The following CTNNA3 variants were observed in gnomAD, a reference collection of about 807,000 sequenced individuals.
The protein encoded by CTNNA3 is catenin alpha-3.
Under a neutral mutation model 95.7 loss-of-function variants are expected in CTNNA3, and 76 were observed. That is an observed-to-expected ratio of 0.79 (90% CI 0.66 to 0.96). CTNNA3 has a LOEUF of 0.96. Ranked by LOEUF, CTNNA3 falls within the 40% of genes least tolerant of loss-of-function variation. The pLI, the probability that CTNNA3 is intolerant of heterozygous loss-of-function variation, is 0.00. For synonymous variants in CTNNA3, 431 were observed against 374.4 expected, an observed-to-expected ratio of 1.15 and a Z score of -1.74; for missense variants, 1,191 against 1,089.8, an observed-to-expected ratio of 1.09 and a Z score of -1.31.
At chr10:66,633,778 A>C (rs751747310) in intron 9 of CTNNA3, among the ~76,000 whole-genome samples, 3 of 152,152 alleles carry the variant, frequency 2.0e-5, no homozygotes, top group Admixed American at 6.5e-5. Context: ...ATGGGAGAGA[A>C]GGTAGGATTA....
In CTNNA3 at chr10:66,001,964, G is replaced by A. The variant is rs7915712; in HGVS notation, c.2160-13167C>T. 9.5e-3 allele frequency among the ~76,000 whole-genome samples: 1,437 copies of A among 152,028 alleles called. 28 individuals are homozygous for A. The highest frequency in any genetic ancestry group is 0.031 in the African/African-American group (1,302 of 41,480). On this transcript the variant is annotated intron_variant, in intron 15 of 17. Coordinates refer to ENST00000433211, the MANE Select transcript of CTNNA3 (RefSeq NM_013266.4). ...ACTCTCTCTGTGTGTAGTTGTTATC[G>A]TTTAAAGTTGTTATTTAACTCCTAA...
At chr10:67,250,812 G>T (rs1866079803) in intron 5 of CTNNA3, among the ~76,000 whole-genome samples, 1 of 152,128 alleles carries the variant, frequency 6.6e-6, no homozygotes, top group Admixed American at 6.5e-5. Flanking sequence ...TGATAAAAAT[G>T]CCCATAATCA....
intron 13 of CTNNA3, among the ~76,000 whole-genome samples, chr10:66,149,933 TAA>T (rs750372119): frequency 2.3e-4 from 35 of 152,200 alleles, no homozygotes; most frequent in Non-Finnish European, 4.9e-4. Flanking sequence ...CACACTTCAA[TAA>T]AAGTTTTTCT....
intron 5 of CTNNA3, among the ~76,000 whole-genome samples, chr10:67,438,594 C>G (rs1022247482): frequency 1.3e-5 from 2 of 152,168 alleles, no homozygotes; most frequent in African/African-American, 4.8e-5. Context: ...ATCAGGTAAG[C>G]AATCACAGCA....
chr10:66,083,653 C>A (rs1445112373), intron 14 of CTNNA3, among the ~76,000 whole-genome samples: 2 of 152,302 alleles, frequency 1.3e-5, no homozygotes, highest in Admixed American at 6.5e-5. Context: ...CTGGCTTATT[C>A]TTCTACGCTA....
intron 17 of CTNNA3, among the ~76,000 whole-genome samples, chr10:65,926,436 T>A (rs930527578): frequency 1.3e-5 from 2 of 152,018 alleles, no homozygotes; most frequent in Non-Finnish European, 2.9e-5. Context: ...AAAGTGCTTC[T>A]GCAAATTTAT....
chr10:66,377,220 G>A (rs543121799), intron 12 of CTNNA3, among the ~76,000 whole-genome samples: 2 of 152,066 alleles, frequency 1.3e-5, no homozygotes, highest in Admixed American at 6.6e-5. Flanking sequence ...ATACCGTTAC[G>A]CTAATAATAA....
At chr10:66,362,224 T>C (rs2092681626) in intron 12 of CTNNA3, among the ~76,000 whole-genome samples, 1 of 148,942 alleles carries the variant, frequency 6.7e-6, no homozygotes, top group Non-Finnish European at 1.5e-5. Context: ...TGCCTCAGCC[T>C]CCCAAGTAGC....
At chr10:65,974,406 A>G (rs1258639657) in intron 16 of CTNNA3, among the ~76,000 whole-genome samples, 2 of 152,214 alleles carry the variant, frequency 1.3e-5, no homozygotes, top group Non-Finnish European at 2.9e-5. Context: ...AATAACAGCC[A>G]TAAAAAGGAA....
intron 5 of CTNNA3, among the ~76,000 whole-genome samples, chr10:67,442,671 A>T (rs185346706): frequency 2.0e-4 from 31 of 152,280 alleles, no homozygotes; most frequent in Middle Eastern, 3.4e-3. Flanking sequence ...CAGCAAGAGG[A>T]TATAAAAATT....
At chr10:66,071,854 G>T (rs2080441418) in intron 14 of CTNNA3, among the ~76,000 whole-genome samples, 1 of 152,136 alleles carries the variant, frequency 6.6e-6, no homozygotes, top group Non-Finnish European at 1.5e-5. Flanking sequence ...GTGAATCTCA[G>T]AACTCTATTT....
intron 5 of CTNNA3, among the ~76,000 whole-genome samples, chr10:67,385,217 A>G (rs1844107150): frequency 6.6e-6 from 1 of 152,246 alleles, no homozygotes; most frequent in African/African-American, 2.4e-5. Context: ...CTTATAGTCT[A>G]ATGACCTCAG....
At position 65,918,316 on chromosome 10, in the gene CTNNA3, A is replaced by G. The variant is rs2077031753; in HGVS notation, c.*2014T>C. The G allele has an allele frequency of 6.6e-6, 1 of 152,166 alleles. No homozygotes were observed. Among genetic ancestry groups the G allele is most frequent in the Non-Finnish European group, 1.5e-5 (1 of 68,024 alleles). The allele number at this position is 152,166 out of a possible 1,614,324, so 9.4% of individuals were successfully genotyped here. On this transcript the variant is annotated 3_prime_UTR_variant, in exon 18 of 18. Coordinates refer to ENST00000433211, the MANE Select transcript of CTNNA3 (RefSeq NM_013266.4). ...TGAATGTGGCTTTAGGAGCTAAGATACACAACTGCTAGTTTGGTGATTTCA... is the reference window on the plus strand; with the variant it reads ...TGAATGTGGCTTTAGGAGCTAAGATGCACAACTGCTAGTTTGGTGATTTCA...
intron 7 of CTNNA3, among the ~76,000 whole-genome samples, chr10:66,776,805 T>C (rs12769046): frequency 0.056 from 8,475 of 152,212 alleles, 380 homozygotes; most frequent in East Asian, 0.23. Context: ...TGAGTGTTTT[T>C]CAATATAATC....
At chr10:66,234,753 C>CA (rs950632961) in intron 13 of CTNNA3, among the ~76,000 whole-genome samples, 2 of 152,132 alleles carry the variant, frequency 1.3e-5, no homozygotes, top group Non-Finnish European at 2.9e-5. Flanking sequence ...TACAACTATG[C>CA]AAAACTCCCT....
intron 16 of CTNNA3, among the ~76,000 whole-genome samples, chr10:65,979,956 T>C (rs548439768): frequency 1.6e-4 from 24 of 151,700 alleles, no homozygotes; most frequent in Admixed American, 5.9e-4. Context: ...GAGAAGAAAA[T>C]AAATAACAAA....
Position 66,636,156 on chromosome 10 carries a change from C to G in CTNNA3, c.1282-14372G>C, listed in dbSNP as rs535997442. 5.9e-5 allele frequency among the ~76,000 whole-genome samples: 9 copies of G among 152,030 alleles called. No homozygotes were observed. In the East Asian group the frequency reaches 1.2e-3, roughly 20 times the overall value. On this transcript the variant is annotated intron_variant, in intron 9 of 17. Coordinates refer to ENST00000433211, the MANE Select transcript of CTNNA3 (RefSeq NM_013266.4). Reference sequence around the variant, plus strand: ...TTCATATCCCCTCATTCTTGGGTCCCTGAATCTCAGGAGGGCTCCTTGAAT... The same window carrying G: ...TTCATATCCCCTCATTCTTGGGTCCGTGAATCTCAGGAGGGCTCCTTGAAT...
chr10:66,709,231 A>T (rs990128199), intron 9 of CTNNA3, among the ~76,000 whole-genome samples: 1 of 152,098 alleles, frequency 6.6e-6, no homozygotes, highest in African/African-American at 2.4e-5. Context: ...GTGTCTCCTT[A>T]GATGGACCTA....
In CTNNA3 at chr10:66,244,957, G is replaced by A. The variant is rs189712522; in HGVS notation, c.1884+35513C>T. Among the ~76,000 whole-genome samples the A allele has an allele frequency of 5.9e-5, 9 of 152,304 alleles. No homozygotes were observed. In the East Asian group the frequency reaches 1.7e-3, roughly 29 times the overall value. On this transcript the variant is annotated intron_variant, in intron 13 of 17. Coordinates refer to ENST00000433211, the MANE Select transcript of CTNNA3 (RefSeq NM_013266.4). The stretch of plus-strand genomic sequence containing the variant: ...CCTTTTGTTACGGGATCTTTGGGGT[G>A]TTGCTTTTCTGGCCTGAAACCTCTG...
Sources: allele counts gnomAD v4.1 joint callset (sites outside exome capture counted in the v4.1 genomes callset), GRCh38; gene constraint gnomAD v4.1.1; transcripts MANE v1.5; gene names NCBI Gene and HGNC (gene_info 2026-07-23, HGNC 2026-07-21).